The following UHRF2 variants were observed in gnomAD, a reference collection of about 807,000 sequenced individuals.
UHRF2 encodes E3 ubiquitin-protein ligase UHRF2.
Under a neutral mutation model 96.8 loss-of-function variants are expected in UHRF2, and 23 were observed. The ratio of observed to expected loss-of-function variants is 0.24; its 90% confidence interval spans 0.17 to 0.34. The LOEUF (loss-of-function observed/expected upper bound fraction) is 0.34. UHRF2 is among the 10% of genes least tolerant of loss of function. The pLI is 1.00. For synonymous variants in UHRF2, 385 were observed against 332.6 expected (o/e 1.16, Z -1.72); for missense variants, 685 against 981.5 (o/e 0.70, Z 4.04).
intron 3 of UHRF2, among the ~76,000 whole-genome samples, chr9:6,447,575 G>GTA (rs1821595766): frequency 6.6e-6 from 1 of 152,126 alleles, no homozygotes; most frequent in African/African-American, 2.4e-5. Context: ...CATATAGTGA[G>GTA]TAAGAAGAAA....
intron 4 of UHRF2, among the ~76,000 whole-genome samples, chr9:6,461,359 C>G (rs555458595): frequency 5.8e-4 from 56 of 96,850 alleles, no homozygotes; most frequent in African/African-American, 2.2e-3. Context: ...CTCTCCCCCC[C>G]CTCCTCCTCT....
intron 7 of UHRF2, 33 bp from the exon 8 acceptor site, chr9:6,481,959 C>A: frequency 6.2e-7 from 1 of 1,603,076 alleles, no homozygotes; most frequent in Non-Finnish European, 8.5e-7. Flanking sequence ...TTTAACATAA[C>A]TGATTTCTCA....
At chr9:6,496,997 C>T in intron 10 of UHRF2, 1 of 512,786 alleles carries the variant, frequency 2.0e-6, no homozygotes, top group Non-Finnish European at 3.4e-6. Context: ...AATCCCCTGG[C>T]TTGGGGGTGA....
In UHRF2 at chr9:6,492,832, C is replaced by CTTTTT. The variant is rs34371545; in HGVS notation, c.1498-976_1498-972dup. 582 of 89,492 alleles carry CTTTTT rather than the reference C, an allele frequency of 6.5e-3. 5 individuals carry two copies. Among genetic ancestry groups the CTTTTT allele is most frequent in the Non-Finnish European group, 9.4e-3 (432 of 45,826 alleles). 5.5% of individuals were successfully genotyped at this position (89,492 alleles called of 1,614,324 possible). On this transcript the variant is annotated intron_variant, in intron 9 of 15. Coordinates refer to ENST00000276893, the MANE Select transcript of UHRF2 (RefSeq NM_152896.3). ...ATAGAAGTAATTGGAGAGCTTTTGG[C>CTTTTT]TTTTTTTTTTTTTTTTTTTTTTACA...
intron 3 of UHRF2, among the ~76,000 whole-genome samples, chr9:6,440,270 G>T (rs1318408242): frequency 6.6e-6 from 1 of 152,154 alleles, no homozygotes; most frequent in African/African-American, 2.4e-5. Flanking sequence ...AGAGAATGTT[G>T]TCTTATGTGC....
chr9:6,453,064 C>G, intron 3 of UHRF2, among the ~76,000 whole-genome samples: 1 of 152,142 alleles, frequency 6.6e-6, no homozygotes, highest in East Asian at 1.9e-4. Flanking sequence ...ATTTTCATGA[C>G]TTACCTTTTA....
At chr9:6,436,234 A>C (rs1378313583) in intron 3 of UHRF2, among the ~76,000 whole-genome samples, 1 of 152,204 alleles carries the variant, frequency 6.6e-6, no homozygotes, top group East Asian at 1.9e-4. Flanking sequence ...AAATGAATCA[A>C]AAGTAGATCC....
rs920185317 is a variant in UHRF2 at position 6,460,569 on chromosome 9, T to G, written c.645-4T>G. 4 of 1,596,058 alleles carry G rather than the reference T, an allele frequency of 2.5e-6. No individual in the cohort carries two copies. In the African/African-American group the frequency reaches 5.4e-5, roughly 21 times the overall value. ...ATAAGCCATATGGTTTTCTCTCTCCTCAGATACCCAGAAAGCGGTACTCTA... is the reference window on the plus strand; with the variant it reads ...ATAAGCCATATGGTTTTCTCTCTCCGCAGATACCCAGAAAGCGGTACTCTA... On this transcript the variant is annotated splice_region_variant and splice_polypyrimidine_tract_variant and intron_variant, in intron 3 of 15. Coordinates refer to ENST00000276893, the MANE Select transcript of UHRF2 (RefSeq NM_152896.3).
intron 2 of UHRF2, among the ~76,000 whole-genome samples, chr9:6,432,651 A>ATT (rs1820619531): frequency 1.3e-5 from 2 of 152,360 alleles, no homozygotes; most frequent in South Asian, 4.1e-4. Context: ...GCATACTGAT[A>ATT]TTTAACTTAC....
chr9:6,488,700 C>G (rs1356276750), intron 9 of UHRF2, among the ~76,000 whole-genome samples: 1 of 151,576 alleles, frequency 6.6e-6, no homozygotes, highest in African/African-American at 2.4e-5. Context: ...TGGGGTTTCT[C>G]CATATTGGCC....
chr9:6,427,764 A>T (rs1820341685), intron 2 of UHRF2, among the ~76,000 whole-genome samples: 1 of 152,206 alleles, frequency 6.6e-6, no homozygotes. Flanking sequence ...AGCAATATTT[A>T]ACCAGTTTCA....
At chr9:6,469,396 T>TG (rs2130872857) in intron 4 of UHRF2, among the ~76,000 whole-genome samples, 1 of 152,016 alleles carries the variant, frequency 6.6e-6, no homozygotes, top group East Asian at 1.9e-4. Flanking sequence ...CAGGTGCCTG[T>TG]AGTCCCAGCT....
Position 6,482,086 on chromosome 9 carries a change from G to A in UHRF2, c.1379G>A (p.Arg460Lys). The A allele has an allele frequency of 6.2e-7, 1 of 1,613,942 alleles. No individual in the cohort carries two copies. The highest frequency in any genetic ancestry group is 1.1e-5 in the South Asian group (1 of 91,068). The part of the protein sequence containing the change: ...IPGIPVGSTW[R>K]FRVQVSEAGV... Reference sequence around the variant, plus strand: ...GGTATTCCTGTTGGATCAACTTGGAGATTTAGAGTTCAGGTATGTTTTAAC... The same window carrying A: ...GGTATTCCTGTTGGATCAACTTGGAAATTTAGAGTTCAGGTATGTTTTAAC... Residue 460 changes from arginine (R) to lysine (K), a missense_variant, in exon 8 of 16, where the codon AGA (arginine) becomes AAA (lysine). Coordinates refer to ENST00000276893, the MANE Select transcript of UHRF2 (RefSeq NM_152896.3).
chr9:6,447,933 C>A (rs990972280), intron 3 of UHRF2, among the ~76,000 whole-genome samples: 4 of 152,144 alleles, frequency 2.6e-5, no homozygotes, highest in Non-Finnish European at 5.9e-5. Flanking sequence ...GAACTAAAAA[C>A]AAGAGGATTG....
intron 1 of UHRF2, chr9:6,415,149 C>G (rs1819518055): frequency 6.6e-6 from 1 of 152,230 alleles, no homozygotes; most frequent in Non-Finnish European, 1.5e-5. Context: ...TTGGGCAACA[C>G]TCCTAAAATC....
chr9:6,452,209 G>A (rs1032114209), intron 3 of UHRF2, among the ~76,000 whole-genome samples: 2 of 151,972 alleles, frequency 1.3e-5, no homozygotes, highest in South Asian at 2.1e-4. Flanking sequence ...TGTTATGGAC[G>A]TTTGATTGTT....
intron 11 of UHRF2, among the ~76,000 whole-genome samples, chr9:6,497,577 G>T (rs978113832): frequency 5.4e-5 from 8 of 147,656 alleles, no homozygotes; most frequent in African/African-American, 2.0e-4. Context: ...TTGGGTTAAG[G>T]TTTTTTTTTT....
rs920632247 is a variant in UHRF2 at position 6,457,419 on chromosome 9, G to T, written c.645-3154G>T. 2.0e-5 allele frequency among the ~76,000 whole-genome samples: 3 copies of T among 152,036 alleles called. No homozygotes were observed. In the East Asian group the frequency reaches 5.8e-4, roughly 29 times the overall value. Reference sequence around the variant, plus strand: ...AGGAGATTTTGGGCTGAGATGATGGGGTTTTCTAAATATACAATCATGTCA... The same window carrying T: ...AGGAGATTTTGGGCTGAGATGATGGTGTTTTCTAAATATACAATCATGTCA... On this transcript the variant is annotated intron_variant, in intron 3 of 15. Coordinates refer to ENST00000276893, the MANE Select transcript of UHRF2 (RefSeq NM_152896.3).
chr9:6,468,585 G>T (rs1400234648), intron 4 of UHRF2: 2 of 455,926 alleles, frequency 4.4e-6, no homozygotes, highest in Admixed American at 2.4e-5. Flanking sequence ...CTAGGAGTAG[G>T]ATGGAAAAAG....
Sources: gnomAD v4.1 joint callset for allele counts (sites outside exome capture counted in the v4.1 genomes callset) on GRCh38, gnomAD v4.1.1 for gene constraint, MANE v1.5 for transcripts, NCBI Gene and HGNC (gene_info 2026-07-23, HGNC 2026-07-21) for gene names.